The following DLG2 variants were observed in gnomAD, a reference collection of about 807,000 sequenced individuals.
DLG2 encodes discs large MAGUK scaffold protein 2, also known as disks large homolog 2.
A neutral mutation model predicts 132.5 loss-of-function variants in DLG2; 45 were observed. That is an observed-to-expected ratio of 0.34 (90% CI 0.27 to 0.44). The LOEUF (loss-of-function observed/expected upper bound fraction) is 0.44. Among genes scored for constraint, DLG2 ranks in the 20% least tolerant of loss-of-function variants. DLG2 has a pLI of 1.00. For missense variants in DLG2, 1,045 were observed against 1,196.9 expected (o/e 0.87, Z 1.87); for synonymous variants, 424 against 419.6 (o/e 1.01, Z -0.13).
intron 6 of DLG2, among the ~76,000 whole-genome samples, chr11:84,880,292 G>A (rs1035604611): frequency 2.6e-5 from 4 of 152,086 alleles, no homozygotes; most frequent in Admixed American, 1.3e-4. Flanking sequence ...CATTGGAATT[G>A]AGAGCACACT....
chr11:84,747,468 T>C (rs189222862), intron 6 of DLG2, among the ~76,000 whole-genome samples: 21 of 152,316 alleles, frequency 1.4e-4, no homozygotes, highest in South Asian at 2.1e-4. Flanking sequence ...AAATATGAGT[T>C]TGAATTCTAG....
At chr11:84,984,747 C>G (rs184568974) in intron 6 of DLG2, among the ~76,000 whole-genome samples, 6 of 152,162 alleles carry the variant, frequency 3.9e-5, no homozygotes, top group African/African-American at 1.4e-4. Context: ...AGAGACACAC[C>G]TAACATAAGG....
At chr11:84,761,262 T>C (rs1329667474) in intron 6 of DLG2, among the ~76,000 whole-genome samples, 1 of 152,222 alleles carries the variant, frequency 6.6e-6, no homozygotes, top group Non-Finnish European at 1.5e-5. Flanking sequence ...GTGTAATGGT[T>C]ACTCCAGACT....
At chr11:84,226,999 T>C (rs1382451913) in intron 8 of DLG2, among the ~76,000 whole-genome samples, 1 of 152,050 alleles carries the variant, frequency 6.6e-6, no homozygotes, top group East Asian at 1.9e-4. Flanking sequence ...GGCAGGAGAA[T>C]GGCTTGAACC....
chr11:85,377,918 T>C (rs1012383593), intron 3 of DLG2, among the ~76,000 whole-genome samples: 5 of 151,034 alleles, frequency 3.3e-5, no homozygotes, highest in African/African-American at 9.8e-5. Context: ...TATATACACA[T>C]ATTTCAATTC....
intron 19 of DLG2, among the ~76,000 whole-genome samples, chr11:83,578,940 G>T (rs944179678): frequency 6.6e-6 from 1 of 152,180 alleles, no homozygotes; most frequent in Non-Finnish European, 1.5e-5. Flanking sequence ...TGATAGAATT[G>T]AGCATTCAAG....
Position 83,769,682 on chromosome 11 carries a change from G to C in DLG2, c.1825+17008C>G, listed in dbSNP as rs1445904757. On this transcript the variant is annotated intron_variant, in intron 18 of 27. Transcript: ENST00000376104. The stretch of plus-strand genomic sequence containing the variant: ...GGGGTCAAACTATTCTCCTGCCTTA[G>C]CTTCCCAAGTAGCTGGGATTACAGG... 1.3e-5 allele frequency among the ~76,000 whole-genome samples: 2 copies of C among 150,742 alleles called. 1 individual carries two copies. The highest frequency in any genetic ancestry group is 4.9e-5 in the African/African-American group (2 of 40,930).
chr11:83,533,752 C>T (rs568015362), intron 20 of DLG2, among the ~76,000 whole-genome samples: 32 of 152,226 alleles, frequency 2.1e-4, no homozygotes, highest in South Asian at 1.0e-3. Context: ...GTGAGGCTAG[C>T]GAGGTGACAG....
At chr11:84,520,530 T>C (rs1287999560) in intron 7 of DLG2, among the ~76,000 whole-genome samples, 2 of 152,196 alleles carry the variant, frequency 1.3e-5, no homozygotes, top group Admixed American at 1.3e-4. Flanking sequence ...TGTTTGGAAG[T>C]CCCACATACT....
chr11:83,949,135 A>G (rs997358865), intron 14 of DLG2, among the ~76,000 whole-genome samples: 5 of 152,300 alleles, frequency 3.3e-5, no homozygotes, highest in Middle Eastern at 3.4e-3. Context: ...ATAATTTACA[A>G]GAGAGTATGA....
At chr11:84,606,879 C>T (rs546665752) in intron 6 of DLG2, among the ~76,000 whole-genome samples, 4 of 152,112 alleles carry the variant, frequency 2.6e-5, no homozygotes, top group Non-Finnish European at 2.9e-5. Context: ...TCCCTTCCCC[C>T]CTGGAAAATC....
intron 6 of DLG2, among the ~76,000 whole-genome samples, chr11:84,617,707 A>G (rs1257229092): frequency 6.6e-6 from 1 of 152,042 alleles, no homozygotes; most frequent in Non-Finnish European, 1.5e-5. Flanking sequence ...TAGGATGGCC[A>G]TATAATTCAT....
chr11:85,492,174 T>G (rs1222035697), intron 3 of DLG2, among the ~76,000 whole-genome samples: 2 of 152,188 alleles, frequency 1.3e-5, no homozygotes, highest in African/African-American at 2.4e-5. Flanking sequence ...TCGCTCAATT[T>G]AGCCATGCCA....
At chr11:83,952,210 G>A (rs140138680) in intron 14 of DLG2, among the ~76,000 whole-genome samples, 1 of 152,264 alleles carries the variant, frequency 6.6e-6, no homozygotes, top group Non-Finnish European at 1.5e-5. Context: ...GCCCAGCGTG[G>A]TGGCATATGC....
At chr11:84,674,529 T>C (rs1048744099) in intron 6 of DLG2, among the ~76,000 whole-genome samples, 1 of 152,096 alleles carries the variant, frequency 6.6e-6, no homozygotes, top group African/African-American at 2.4e-5. Flanking sequence ...TAGCTCCTTA[T>C]TAACTTATAG....
intron 3 of DLG2, among the ~76,000 whole-genome samples, chr11:85,410,228 AT>A (rs528625675): frequency 4.4e-4 from 67 of 151,970 alleles, no homozygotes; most frequent in South Asian, 2.3e-3. Flanking sequence ...TCAGCACCTC[AT>A]TTTTTATATT....
intron 11 of DLG2, among the ~76,000 whole-genome samples, chr11:84,028,905 G>T (rs2095615424): frequency 6.6e-6 from 1 of 151,976 alleles, no homozygotes; most frequent in Non-Finnish European, 1.5e-5. Context: ...GCCTCTTGAA[G>T]AAAATTTCAG....
intron 14 of DLG2, among the ~76,000 whole-genome samples, chr11:83,947,761 A>G (rs1339039003): frequency 1.3e-5 from 2 of 152,238 alleles, no homozygotes; most frequent in Admixed American, 1.3e-4. Context: ...AAAGTCAAAT[A>G]GCTAGTAAAT....
chr11:84,837,413 G>C (rs2079968602), intron 6 of DLG2, among the ~76,000 whole-genome samples: 1 of 151,754 alleles, frequency 6.6e-6, no homozygotes, highest in Admixed American at 6.6e-5. Context: ...TGCTGGAAAG[G>C]AGGGCAAGGT....
Sources: allele counts gnomAD v4.1 joint callset (sites outside exome capture counted in the v4.1 genomes callset), GRCh38; gene constraint gnomAD v4.1.1; transcripts MANE v1.5; gene names NCBI Gene and HGNC (gene_info 2026-07-23, HGNC 2026-07-21).